The following TXLNB variants were observed in gnomAD, a reference collection of about 807,000 sequenced individuals.
The protein encoded by TXLNB is beta-taxilin.
TXLNB carries 37 observed loss-of-function variants against 57.4 expected under a neutral mutation model. That is an observed-to-expected ratio of 0.64 (90% CI 0.50 to 0.85). The LOEUF (loss-of-function observed/expected upper bound fraction) is 0.85. Ranked by LOEUF, TXLNB falls within the 40% of genes least tolerant of loss-of-function variation. The pLI, the probability that TXLNB is intolerant of heterozygous loss-of-function variation, is 0.00. For synonymous variants in TXLNB, 302 were observed against 309.6 expected, an observed-to-expected ratio of 0.98 and a Z score of 0.26; for missense variants, 848 against 825.6, an observed-to-expected ratio of 1.03 and a Z score of -0.33.
the TXLNB span, chr6:139,183,624 A>T: frequency 5.3e-5 from 8 of 152,240 alleles, no homozygotes; most frequent in Admixed American, 2.0e-4. Flanking sequence ...TTTACCAGAT[A>T]TGTTAATAAG....
At chr6:139,174,462 T>G in the TXLNB span, 3 of 1,614,030 alleles carry the variant, frequency 1.9e-6, no homozygotes, top group Non-Finnish European at 2.5e-6. Flanking sequence ...CAAGTGTAAG[T>G]CACGGTGGGA....
chr6:139,235,875 C>T (rs547172811), downstream of TXLNB, among the ~76,000 whole-genome samples: 204 of 152,272 alleles, frequency 1.3e-3, no homozygotes, highest in African/African-American at 4.8e-3. Context: ...CGGAAGAACG[C>T]ACAGGCAGCT....
intron 6 of TXLNB, among the ~76,000 whole-genome samples, chr6:139,258,622 C>T (rs6940670): frequency 0.48 from 72,608 of 152,038 alleles, 20,560 homozygotes; most frequent in African/African-American, 0.8. Context: ...TTCTAATCAA[C>T]TGAATTGATT....
At chr6:139,278,374 A>C (rs1335910500) in intron 2 of TXLNB, among the ~76,000 whole-genome samples, 2 of 152,182 alleles carry the variant, frequency 1.3e-5, no homozygotes, top group African/African-American at 4.8e-5. Context: ...GAGTCAGTTC[A>C]GATTAGCCTA....
the TXLNB span, among the ~76,000 whole-genome samples, chr6:139,160,174 G>A: frequency 2.0e-5 from 3 of 152,148 alleles, no homozygotes; most frequent in Non-Finnish European, 4.4e-5. Context: ...ATTTTAACTT[G>A]AGCAGAAGAA....
chr6:139,231,863 T>C, the TXLNB span, among the ~76,000 whole-genome samples: 243 of 152,338 alleles, frequency 1.6e-3, 1 homozygote, highest in Non-Finnish European at 2.9e-3. Context: ...ATGAGTACTA[T>C]CCTTGATTAA....
chr6:139,295,853 C>T (rs1777379846), upstream of TXLNB, among the ~76,000 whole-genome samples: 1 of 152,098 alleles, frequency 6.6e-6, no homozygotes, highest in Non-Finnish European at 1.5e-5. Context: ...TTCTGTTTTT[C>T]CTGGAGTTGA....
At chr6:139,188,092 A>G in the TXLNB span, among the ~76,000 whole-genome samples, 1 of 152,154 alleles carries the variant, frequency 6.6e-6, no homozygotes, top group Non-Finnish European at 1.5e-5. Context: ...GGTAACCCCT[A>G]AGAAAGCTTC....
the TXLNB span, among the ~76,000 whole-genome samples, chr6:139,304,790 C>T: frequency 2.6e-5 from 4 of 152,128 alleles, no homozygotes; most frequent in African/African-American, 7.2e-5. Flanking sequence ...CAACTCTCAC[C>T]GCTGGTCTCC....
chr6:139,187,027 G>A, the TXLNB span, among the ~76,000 whole-genome samples: 1 of 152,146 alleles, frequency 6.6e-6, no homozygotes, highest in Non-Finnish European at 1.5e-5. Flanking sequence ...TGTGTTCACT[G>A]TCTTGATTGT....
the TXLNB span, among the ~76,000 whole-genome samples, chr6:139,320,484 C>A: frequency 1.1e-4 from 16 of 152,252 alleles, no homozygotes; most frequent in African/African-American, 3.6e-4. Flanking sequence ...TAAAATATTA[C>A]CATCACCAAA....
At position 139,244,587 on chromosome 6, in the gene TXLNB, T is replaced by A; in HGVS notation, c.1266+8A>T. 1 of 1,601,166 alleles carries A rather than the reference T, an allele frequency of 6.2e-7. No homozygotes were observed. The highest frequency in any genetic ancestry group is 1.7e-5 in the Admixed American group (1 of 59,984). ...AGGGGATTAAAGCTAAGGGAGAAAC[T>A]TCCTCACCTCTTCAATCATGTCCAA... On this transcript the variant is annotated splice_region_variant and intron_variant, in intron 9 of 9. Coordinates refer to ENST00000358430, the MANE Select transcript of TXLNB (RefSeq NM_153235.4).
At chr6:139,167,872 A>C in the TXLNB span, among the ~76,000 whole-genome samples, 1 of 152,180 alleles carries the variant, frequency 6.6e-6, no homozygotes, top group Admixed American at 6.5e-5. Context: ...GGGGAAGCTT[A>C]TTATTCCTGT....
the TXLNB span, among the ~76,000 whole-genome samples, chr6:139,319,847 C>G: frequency 6.6e-6 from 1 of 151,872 alleles, no homozygotes; most frequent in Non-Finnish European, 1.5e-5. Flanking sequence ...TAATAAATGA[C>G]TATTTATAGT....
At chr6:139,266,340 A>C (rs1776614209) in intron 4 of TXLNB, among the ~76,000 whole-genome samples, 2 of 152,322 alleles carry the variant, frequency 1.3e-5, no homozygotes, top group South Asian at 4.1e-4. Flanking sequence ...AATGATGTAA[A>C]GGAAAATATT....
rs569459789 is a variant in TXLNB at position 139,284,777 on chromosome 6, G to A, written c.424+3699C>T. On this transcript the variant is annotated intron_variant, in intron 2 of 9. Transcript: ENST00000358430. ...GCAATTGATTCTAATAAACAGTTAA[G>A]TTGGAAAACCATTAGTCTAGACGAT... Among the ~76,000 whole-genome samples the A allele has an allele frequency of 5.8e-4, 85 of 145,948 alleles. 11 individuals carry two copies. The highest frequency in any genetic ancestry group is 2.1e-3 in the African/African-American group (83 of 39,710).
intron 2 of TXLNB, 143 bp from the exon 3 acceptor site, chr6:139,277,064 A>G: frequency 1.6e-6 from 1 of 608,098 alleles, no homozygotes; most frequent in Non-Finnish European, 2.8e-6. Context: ...TCTTTCCTAT[A>G]GAAATGATGA....
At chr6:139,314,715 G>C in the TXLNB span, among the ~76,000 whole-genome samples, 1 of 152,184 alleles carries the variant, frequency 6.6e-6, no homozygotes, top group South Asian at 2.1e-4. Flanking sequence ...ATACTAAGTA[G>C]TTCTGAAACC....
At chr6:139,303,857 CTTT>C in the TXLNB span, among the ~76,000 whole-genome samples, 5 of 131,270 alleles carry the variant, frequency 3.8e-5, no homozygotes, top group Non-Finnish European at 3.3e-5. Flanking sequence ...AGTTCCTGGT[CTTT>C]TTTTTTTTTT....
Sources: allele counts gnomAD v4.1 joint callset (sites outside exome capture counted in the v4.1 genomes callset), GRCh38; gene constraint gnomAD v4.1.1; transcripts MANE v1.5; gene names NCBI Gene and HGNC (gene_info 2026-07-23, HGNC 2026-07-21).